The following STPG2 variants were observed in gnomAD, a reference collection of about 807,000 sequenced individuals.
STPG2 encodes sperm-tail PG-rich repeat-containing protein 2.
STPG2 carries 56 observed loss-of-function variants against 54.2 expected under a neutral mutation model. The ratio of observed to expected loss-of-function variants is 1.03; its 90% CI spans 0.83 to 1.29. The LOEUF is 1.29. Ranked by LOEUF, STPG2 falls within the 50% of genes most tolerant of loss-of-function variation. STPG2 has a pLI of 0.00. For synonymous variants in STPG2, 200 were observed against 181.8 expected (o/e 1.10, Z -0.81); for missense variants, 596 against 544.9 (o/e 1.09, Z -0.93).
intron 3 of STPG2, among the ~76,000 whole-genome samples, chr4:98,121,667 A>G (rs1038041533): frequency 1.3e-5 from 2 of 151,998 alleles, no homozygotes; most frequent in Admixed American, 6.6e-5. Flanking sequence ...AAGGGAGTTC[A>G]TTTATGATTT....
At chr4:97,699,384 C>A (rs1723692554) in intron 10 of STPG2, among the ~76,000 whole-genome samples, 1 of 152,204 alleles carries the variant, frequency 6.6e-6, no homozygotes, top group African/African-American at 2.4e-5. Flanking sequence ...CGAGGTCACC[C>A]ATTGGTGAGC....
chr4:97,828,389 C>T (rs1728333352), intron 9 of STPG2, among the ~76,000 whole-genome samples: 1 of 152,188 alleles, frequency 6.6e-6, no homozygotes, highest in African/African-American at 2.4e-5. Flanking sequence ...ACCTTCGCAA[C>T]CCGCAGACCA....
At chr4:98,058,005 G>A (rs1006297989) in intron 5 of STPG2, among the ~76,000 whole-genome samples, 1 of 152,182 alleles carries the variant, frequency 6.6e-6, no homozygotes, top group Admixed American at 6.5e-5. Context: ...AGCAAATGCT[G>A]AGGGAATTTG....
At chr4:97,852,231 CCAAT>C (rs1446215380) in intron 8 of STPG2, among the ~76,000 whole-genome samples, 1 of 152,052 alleles carries the variant, frequency 6.6e-6, no homozygotes, top group African/African-American at 2.4e-5. Flanking sequence ...AAGTAGGATT[CCAAT>C]CAATTTATGT....
At chr4:98,024,326 T>C (rs1211705218) in intron 5 of STPG2, among the ~76,000 whole-genome samples, 1 of 152,224 alleles carries the variant, frequency 6.6e-6, no homozygotes, top group Non-Finnish European at 1.5e-5. Flanking sequence ...GTTTCACTGC[T>C]GATTATCAAA....
chr4:97,469,794 G>A (rs1472109709), intron 4 of STPG2, among the ~76,000 whole-genome samples: 2 of 151,880 alleles, frequency 1.3e-5, no homozygotes, highest in African/African-American at 2.4e-5. Context: ...AAAACATAGA[G>A]GCAGAAATCT....
chr4:98,118,530 A>G (rs944322811), intron 3 of STPG2, among the ~76,000 whole-genome samples: 2 of 152,154 alleles, frequency 1.3e-5, no homozygotes, highest in Non-Finnish European at 2.9e-5. Context: ...AATTGGAGGT[A>G]TATGTATAAA....
In STPG2 at chr4:98,014,329, G is replaced by A. The variant is rs779384914; in HGVS notation, c.613-33011C>T. On this transcript the variant is annotated intron_variant, in intron 5 of 10. Coordinates refer to ENST00000295268, the MANE Select transcript of STPG2 (RefSeq NM_174952.3). ...TTCTAATTTGACTACACTGTGGTCT[G>A]AGAGACTATTATTATCAGTCCTGAG... Among the ~76,000 whole-genome samples the A allele has an allele frequency of 1.7e-4, 26 of 152,194 alleles. 1 individual carries two copies. Among genetic ancestry groups the A allele is most frequent in the Middle Eastern group, 6.8e-3 (2 of 294 alleles).
chr4:97,578,625 G>A (rs1180335792), intron 10 of STPG2, among the ~76,000 whole-genome samples: 1 of 148,250 alleles, frequency 6.7e-6, no homozygotes, highest in Non-Finnish European at 1.5e-5. Flanking sequence ...CAGAATTATT[G>A]GCATGAACAT....
intron 6 of STPG2, among the ~76,000 whole-genome samples, chr4:97,978,838 C>A (rs1471183736): frequency 6.6e-6 from 1 of 152,072 alleles, no homozygotes; most frequent in Non-Finnish European, 1.5e-5. Flanking sequence ...AGATGTAAAG[C>A]AGGATTTGGC....
intron 4 of STPG2, among the ~76,000 whole-genome samples, chr4:97,458,971 A>C (rs924432765): frequency 6.6e-6 from 1 of 152,180 alleles, no homozygotes; most frequent in African/African-American, 2.4e-5. Context: ...AGATAATAAT[A>C]TGTAACAATA....
At chr4:97,975,075 G>A (rs1400080527) in intron 6 of STPG2, among the ~76,000 whole-genome samples, 1 of 152,136 alleles carries the variant, frequency 6.6e-6, no homozygotes, top group Non-Finnish European at 1.5e-5. Flanking sequence ...CCATTTATAT[G>A]TAAATTTAGA....
intron 5 of STPG2, among the ~76,000 whole-genome samples, chr4:98,091,238 T>C (rs576980060): frequency 1.3e-5 from 2 of 152,204 alleles, no homozygotes; most frequent in South Asian, 4.1e-4. Flanking sequence ...CATTACCTCA[T>C]GATTTCCCTC....
chr4:97,470,862 G>C (rs1414949944), intron 4 of STPG2, among the ~76,000 whole-genome samples: 3 of 152,008 alleles, frequency 2.0e-5, no homozygotes, highest in Non-Finnish European at 4.4e-5. Context: ...ATGAAGTGAG[G>C]TGAATGACAT....
chr4:97,644,537 C>T (rs761742070), intron 10 of STPG2, among the ~76,000 whole-genome samples: 1 of 151,968 alleles, frequency 6.6e-6, no homozygotes, highest in African/African-American at 2.4e-5. Flanking sequence ...AATGACTTGA[C>T]GTGTCCTACC....
At chr4:97,608,309 A>G (rs1337430563) in intron 10 of STPG2, among the ~76,000 whole-genome samples, 1 of 151,974 alleles carries the variant, frequency 6.6e-6, no homozygotes, top group Non-Finnish European at 1.5e-5. Context: ...CTAATAATGT[A>G]GCATAAAATT....
chr4:97,868,367 A>G (rs113189490), intron 8 of STPG2, among the ~76,000 whole-genome samples: 3,759 of 151,912 alleles, frequency 0.025, 103 homozygotes, highest in African/African-American at 0.072. Flanking sequence ...CAGGCCTGAG[A>G]TCATGTCTTT....
At position 97,680,455 on chromosome 4, in the gene STPG2, C is replaced by T. The variant is rs556127856; in HGVS notation, c.1320+32244G>A. ...TCTGTTTTACTGGTTTATAAGAATG[C>T]TTGTGATTTTTGTACATTGATTTTG... is the stretch of plus-strand genomic sequence containing the variant. On this transcript the variant is annotated intron_variant, in intron 10 of 10. Coordinates refer to ENST00000295268, the MANE Select transcript of STPG2 (RefSeq NM_174952.3). Among the ~76,000 whole-genome samples, 3 of 152,162 alleles carry T rather than the reference C, an allele frequency of 2.0e-5. No individual in the cohort carries two copies. The East Asian group carries it at 5.8e-4, about 29-fold the overall frequency.
intron 4 of STPG2, among the ~76,000 whole-genome samples, chr4:97,456,191 T>C (rs930605797): frequency 2.5e-4 from 38 of 152,184 alleles, no homozygotes; most frequent in African/African-American, 9.2e-4. Flanking sequence ...CGAAACGGGG[T>C]AATTTATGAA....
Sources: allele counts gnomAD v4.1 joint callset (sites outside exome capture counted in the v4.1 genomes callset), GRCh38; gene constraint gnomAD v4.1.1; transcripts MANE v1.5; gene names NCBI Gene and HGNC (gene_info 2026-07-23, HGNC 2026-07-21).